RANBP2: variants seen among roughly 807,000 people sequenced by gnomAD.
The protein encoded by RANBP2 is E3 SUMO-protein ligase RanBP2.
RANBP2 carries 57 observed loss-of-function variants against 303.6 expected under a neutral mutation model. The observed-to-expected ratio is 0.19, with a 90% CI of 0.15 to 0.23. The LOEUF is 0.23. RANBP2 is among the 10% of genes least tolerant of loss of function. RANBP2 has a pLI of 1.00. For synonymous variants in RANBP2, 1,167 were observed against 1,301.5 expected, an observed-to-expected ratio of 0.90 and a Z score of 2.23; for missense variants, 3,138 against 3,780.8, an observed-to-expected ratio of 0.83 and a Z score of 4.46.
At chr2:108,788,835 T>C (rs753956906), downstream of RANBP2, 123 of 1,613,832 alleles carry the variant, frequency 7.6e-5, 1 homozygote, top group Admixed American at 2.2e-4. Flanking sequence ...CTTTCATGGT[T>C]TCTTTGTCGT....
the RANBP2 span, among the ~76,000 whole-genome samples, chr2:109,158,871 G>T: frequency 6.6e-6 from 1 of 152,212 alleles, no homozygotes. Context: ...AAGCCAGCCA[G>T]CTGTGAAGTC....
Position 108,783,741 on chromosome 2 carries a change from T to A in RANBP2, c.9515T>A (p.Phe3172Tyr). The change falls in exon 29 of 29, where the codon TTT becomes TAT. Residue 3172 changes from phenylalanine (F) to tyrosine (Y), a missense_variant. Coordinates refer to ENST00000283195, the MANE Select transcript of RANBP2 (RefSeq NM_006267.5). Reference protein sequence around the residue: ...NQGQNTNNSQFVITLKKAEHL... With the variant: ...NQGQNTNNSQYVITLKKAEHL... Reference sequence around the variant, plus strand: ...GGCCAGAATACCAATAATTCTCAATTTGTTATAACACTGAAGAAAGCAGAA... The same window carrying A: ...GGCCAGAATACCAATAATTCTCAATATGTTATAACACTGAAGAAAGCAGAA... The A allele has an allele frequency of 1.2e-6, 2 of 1,613,396 alleles. No homozygotes were observed. Among genetic ancestry groups the A allele is most frequent in the Non-Finnish European group, 1.7e-6 (2 of 1,179,392 alleles).
At chr2:109,358,033 T>C in the RANBP2 span, among the ~76,000 whole-genome samples, 1 of 152,218 alleles carries the variant, frequency 6.6e-6, no homozygotes, top group Non-Finnish European at 1.5e-5. Context: ...CTGAAAATCC[T>C]CTGACCTGTC....
chr2:109,334,214 C>T, the RANBP2 span, among the ~76,000 whole-genome samples: 1 of 152,100 alleles, frequency 6.6e-6, no homozygotes, highest in Admixed American at 6.5e-5. Context: ...AAAAATTAGC[C>T]AGGTGTGGTG....
At chr2:108,734,555 G>C (rs1695416722) in intron 4 of RANBP2, among the ~76,000 whole-genome samples, 1 of 151,838 alleles carries the variant, frequency 6.6e-6, no homozygotes, top group Non-Finnish European at 1.5e-5. Flanking sequence ...TGGATATAAG[G>C]GATTATAGCA....
the RANBP2 span, among the ~76,000 whole-genome samples, chr2:109,330,015 C>T: frequency 6.6e-6 from 1 of 152,168 alleles, no homozygotes; most frequent in South Asian, 2.1e-4. Flanking sequence ...CAGAAAAAGT[C>T]AACATCCCTG....
At chr2:109,239,917 G>A in the RANBP2 span, among the ~76,000 whole-genome samples, 1 of 152,226 alleles carries the variant, frequency 6.6e-6, no homozygotes, top group South Asian at 2.1e-4. Flanking sequence ...ATCACTGGCA[G>A]CCAGGCGGAG....
chr2:109,439,408 C>G, the RANBP2 span, among the ~76,000 whole-genome samples: 21 of 152,270 alleles, frequency 1.4e-4, 1 homozygote, highest in Admixed American at 1.3e-3. Context: ...GCATTTTCCA[C>G]TTCATTCTGC....
At chr2:109,143,767 C>CA in the RANBP2 span, among the ~76,000 whole-genome samples, 93 of 44,140 alleles carry the variant, frequency 2.1e-3, no homozygotes, top group Non-Finnish European at 8.1e-3. Flanking sequence ...CAAAACAAAA[C>CA]AAACAAACAA....
chr2:109,483,901 G>A, the RANBP2 span, among the ~76,000 whole-genome samples: 23 of 152,142 alleles, frequency 1.5e-4, no homozygotes, highest in Non-Finnish European at 3.1e-4. Context: ...TCTGCAGCCA[G>A]GGCCACATCC....
At chr2:109,170,986 CA>C in the RANBP2 span, among the ~76,000 whole-genome samples, 10 of 152,148 alleles carry the variant, frequency 6.6e-5, no homozygotes, top group Admixed American at 6.5e-5. Flanking sequence ...GGGCGCTCCC[CA>C]CAGGAACCAA....
rs61550954 is a variant in RANBP2 at position 108,737,551 on chromosome 2, C to CTT, written c.782+1319_782+1320dup. 3.6e-3 allele frequency among the ~76,000 whole-genome samples: 435 copies of CTT among 119,510 alleles called. 5 individuals carry two copies. Among genetic ancestry groups the CTT allele is most frequent in the Middle Eastern group, 0.02 (4 of 196 alleles). The allele number at this position is 119,510 out of a possible 152,430, so 78.4% of individuals were successfully genotyped here. A position where few individuals can be genotyped will look rare whatever the true frequency, so the allele number is the denominator to read the frequency against. ...ACGGGGTTCAGGATGGTCTCAAGCT[C>CTT]TTTTTTTTTTTTTTTTTTGAGACTG... On this transcript the variant is annotated intron_variant, in intron 6 of 28. Transcript: ENST00000283195.
the RANBP2 span, among the ~76,000 whole-genome samples, chr2:108,885,820 A>G: frequency 6.6e-6 from 1 of 152,142 alleles, no homozygotes; most frequent in Non-Finnish European, 1.5e-5. Flanking sequence ...CCACTATGTG[A>G]TCAAATTTTT....
the RANBP2 span, among the ~76,000 whole-genome samples, chr2:109,231,370 C>T: frequency 1.3e-5 from 2 of 152,226 alleles, no homozygotes. Context: ...AAGGTTAATG[C>T]AGTTATCACC....
At chr2:109,571,640 A>C in the RANBP2 span, among the ~76,000 whole-genome samples, 16 of 152,234 alleles carry the variant, frequency 1.1e-4, no homozygotes. Flanking sequence ...CTTGCTGACT[A>C]AAATGTAGTT....
At chr2:109,525,602 G>A in the RANBP2 span, among the ~76,000 whole-genome samples, 64 of 152,322 alleles carry the variant, frequency 4.2e-4, no homozygotes, top group Non-Finnish European at 8.4e-4. Context: ...TCCAGCACCC[G>A]GCATTCAGGG....
chr2:108,922,626 G>C, the RANBP2 span, among the ~76,000 whole-genome samples: 1 of 152,106 alleles, frequency 6.6e-6, no homozygotes, highest in Non-Finnish European at 1.5e-5. Context: ...CTTATGGAGA[G>C]CAAAGAGAGG....
the RANBP2 span, among the ~76,000 whole-genome samples, chr2:109,408,161 G>A: frequency 6.6e-6 from 1 of 152,110 alleles, no homozygotes; most frequent in Non-Finnish European, 1.5e-5. Context: ...GATCCACAGA[G>A]GGTTGTTCAT....
the RANBP2 span, among the ~76,000 whole-genome samples, chr2:109,680,405 T>TAATAA: frequency 1.3e-4 from 20 of 150,830 alleles, no homozygotes; most frequent in African/African-American, 4.1e-4. Context: ...TAAAAAAAGA[T>TAATAA]AATAAAATAA....
Sources: allele counts gnomAD v4.1 joint callset (sites outside exome capture counted in the v4.1 genomes callset), GRCh38; gene constraint gnomAD v4.1.1; transcripts MANE v1.5; gene names NCBI Gene and HGNC (gene_info 2026-07-23, HGNC 2026-07-21).